The following IL1R1 variants were observed in gnomAD, a reference collection of about 807,000 sequenced individuals.
The protein encoded by IL1R1 is interleukin 1 receptor type 1.
IL1R1 carries 22 observed loss-of-function variants against 50.2 expected under a neutral mutation model. The observed-to-expected ratio is 0.44, with a 90% CI of 0.31 to 0.63. IL1R1 has a LOEUF of 0.63. Ranked by LOEUF, IL1R1 falls within the 20% of genes least tolerant of loss-of-function variation. IL1R1 has a pLI of 0.07. For synonymous variants in IL1R1, 251 were observed against 236.7 expected (o/e 1.06, Z -0.55); for missense variants, 509 against 676.2 (o/e 0.75, Z 2.74).
intron 1 of IL1R1, among the ~76,000 whole-genome samples, chr2:102,079,394 A>G (rs1159358890): frequency 6.6e-6 from 1 of 152,176 alleles, no homozygotes; most frequent in African/African-American, 2.4e-5. Context: ...AAACAAGCTC[A>G]GTAAGTTTGC....
At chr2:102,077,999 G>T (rs1420261442) in intron 1 of IL1R1, among the ~76,000 whole-genome samples, 2 of 151,970 alleles carry the variant, frequency 1.3e-5, no homozygotes, top group African/African-American at 4.8e-5. Context: ...AATTAAAAGA[G>T]AAATTAAAAA....
At chr2:102,145,856 C>T (rs560267899) in intron 1 of IL1R1, among the ~76,000 whole-genome samples, 2 of 152,250 alleles carry the variant, frequency 1.3e-5, no homozygotes, top group African/African-American at 2.4e-5. Context: ...ATTTTCAAAG[C>T]CCCCCAGGTA....
intron 1 of IL1R1, among the ~76,000 whole-genome samples, chr2:102,094,049 T>C (rs766246901): frequency 2.0e-5 from 3 of 152,116 alleles, no homozygotes; most frequent in Admixed American, 6.6e-5. Context: ...ACCACACATA[T>C]AAAACTTTAA....
chr2:102,156,922 C>T (rs1684248319), intron 2 of IL1R1, among the ~76,000 whole-genome samples: 1 of 152,174 alleles, frequency 6.6e-6, no homozygotes, highest in Admixed American at 6.5e-5. Flanking sequence ...TATTTATTTA[C>T]TTACTTATAG....
chr2:102,174,527 A>T, intron 9 of IL1R1, 60 bp from the exon 10 acceptor site: 8 of 1,340,796 alleles, frequency 6.0e-6, no homozygotes, highest in Non-Finnish European at 8.1e-6. Flanking sequence ...TGCTGTGCTC[A>T]AAGTTTTAAT....
At chr2:102,112,326 G>A (rs945292554) in intron 1 of IL1R1, among the ~76,000 whole-genome samples, 2 of 151,522 alleles carry the variant, frequency 1.3e-5, no homozygotes, top group Non-Finnish European at 2.9e-5. Context: ...GTGTGTGTGT[G>A]TGTGTGTGTG....
In IL1R1 at chr2:102,078,606, A is replaced by C. The variant is rs1679080656; in HGVS notation, c.-84+8073A>C. 5.3e-5 allele frequency among the ~76,000 whole-genome samples: 8 copies of C among 149,684 alleles called. No homozygotes were observed. The South Asian group carries it at 1.5e-3, about 28-fold the overall frequency. On this transcript the variant is annotated intron_variant, in intron 1 of 11. Coordinates refer to the IL1R1 transcript ENST00000409929. ...CACACACACACACACACACAAGAAA[A>C]AAAAAAGGAAAAAAGCCCATGCCCA...
At chr2:102,134,417 G>T (rs1682224494) in intron 1 of IL1R1, among the ~76,000 whole-genome samples, 1 of 148,586 alleles carries the variant, frequency 6.7e-6, no homozygotes, top group Non-Finnish European at 1.5e-5. Context: ...CGCTCTTGTT[G>T]ACCAGGCTGG....
At chr2:102,124,174 C>G (rs7572233) in intron 1 of IL1R1, among the ~76,000 whole-genome samples, 1 of 151,950 alleles carries the variant, frequency 6.6e-6, no homozygotes, top group Admixed American at 6.6e-5. Flanking sequence ...GTGGTCTCAG[C>G]ATTTTGGGAG....
chr2:102,132,138 T>A (rs1682071818), intron 1 of IL1R1, among the ~76,000 whole-genome samples: 1 of 151,734 alleles, frequency 6.6e-6, no homozygotes, highest in Non-Finnish European at 1.5e-5. Flanking sequence ...TTCAGATATA[T>A]AAAAGCTGAA....
At chr2:102,162,174 T>C (rs1684789012) in intron 3 of IL1R1, among the ~76,000 whole-genome samples, 1 of 152,226 alleles carries the variant, frequency 6.6e-6, no homozygotes, top group South Asian at 2.1e-4. Flanking sequence ...TATGTATACA[T>C]TGTGAAATGG....
Position 102,164,806 on chromosome 2 carries a change from T to A in IL1R1, c.94T>A (p.Leu32Ile). 1.2e-6 allele frequency: 2 copies of A among 1,613,852 alleles called. No individual in the cohort carries two copies. Among genetic ancestry groups the A allele is most frequent in the Non-Finnish European group, 1.7e-6 (2 of 1,179,872 alleles). ...CAAGGAACGTGAAGAAAAAATAATT[T>A]TAGTGTCATCTGCAAATGAAATTGA... ...KCKEREEKII[L>I]VSSANEIDVR... Residue 32 changes from leucine (L) to isoleucine (I), a missense_variant, in exon 4 of 12, where the codon TTA (leucine) becomes ATA (isoleucine). Coordinates refer to ENST00000410023, the MANE Select transcript of IL1R1 (RefSeq NM_000877.4).
chr2:102,144,068 G>A (rs1054324165), intron 1 of IL1R1, among the ~76,000 whole-genome samples: 3 of 152,202 alleles, frequency 2.0e-5, no homozygotes, highest in Non-Finnish European at 2.9e-5. Flanking sequence ...GCATGGGGAC[G>A]TTCACTGTCC....
intron 1 of IL1R1, among the ~76,000 whole-genome samples, chr2:102,116,527 TG>T (rs1413708686): frequency 6.6e-6 from 1 of 152,234 alleles, no homozygotes; most frequent in Non-Finnish European, 1.5e-5. Context: ...TGCTCTTCCA[TG>T]TATTCCGATA....
In IL1R1 at chr2:102,164,827, AT is replaced by A; in HGVS notation, c.117del (p.Ile39MetfsTer17). On this transcript the variant is annotated frameshift_variant, in exon 4 of 12. Coordinates refer to ENST00000410023, the MANE Select transcript of IL1R1 (RefSeq NM_000877.4). LOFTEE classifies it high-confidence loss of function. ...AATTTTAGTGTCATCTGCAAATGAA[AT>A]TGATGTTCGTCCCTGTCCTCTTAAC... is the stretch of plus-strand genomic sequence containing the variant. ...KIILVSSANE[I>X]DVRPCPLNPN... 6.2e-7 allele frequency: 1 copy of A among 1,614,082 alleles called. No individual in the cohort carries two copies. Among genetic ancestry groups the A allele is most frequent in the East Asian group, 2.2e-5 (1 of 44,868 alleles).
chr2:102,078,561 T>TTCACACAC (rs1342084030), intron 1 of IL1R1, among the ~76,000 whole-genome samples: 42 of 70,584 alleles, frequency 6.0e-4, no homozygotes, highest in African/African-American at 2.2e-3. Context: ...GTCAAAAAAC[T>TTCACACAC]TCACACACAC....
In IL1R1 at chr2:102,178,837, A is replaced by G. The variant is rs201837841; in HGVS notation, c.*2078A>G. 19 of 152,358 alleles carry G rather than the reference A, an allele frequency of 1.2e-4. No homozygotes were observed. Among genetic ancestry groups the G allele is most frequent in the South Asian group, 2.1e-4 (1 of 4,836 alleles). 9.4% of individuals were successfully genotyped at this position (152,358 alleles called of 1,614,324 possible). On this transcript the variant is annotated 3_prime_UTR_variant, in exon 12 of 12. Coordinates refer to ENST00000410023, the MANE Select transcript of IL1R1 (RefSeq NM_000877.4). The stretch of plus-strand genomic sequence containing the variant: ...TTATATGCCACCGATTGCAGGACAC[A>G]AGCACAGTTTTAAGAGTTGTATGAA...
In IL1R1 at chr2:102,114,131, A is replaced by T. The variant is rs940636349; in HGVS notation, c.-84+9259A>T. Among the ~76,000 whole-genome samples, 7 of 152,344 alleles carry T rather than the reference A, an allele frequency of 4.6e-5. No homozygotes were observed. In the South Asian group the frequency reaches 6.2e-4, roughly 14 times the overall value. On this transcript the variant is annotated intron_variant, in intron 1 of 10. Coordinates refer to the IL1R1 transcript ENST00000409329. Reference sequence around the variant, plus strand: ...CTCTCTTCTGCCACTTCTAAGAGTTATCCAAATTGGTGCATGGTACCCATA... The same window carrying T: ...CTCTCTTCTGCCACTTCTAAGAGTTTTCCAAATTGGTGCATGGTACCCATA...
intron 1 of IL1R1, among the ~76,000 whole-genome samples, chr2:102,077,792 T>C (rs1402645348): frequency 6.6e-6 from 1 of 152,220 alleles, no homozygotes; most frequent in East Asian, 1.9e-4. Context: ...GCATGTGGAC[T>C]ATTTTCCAGG....
Sources: gnomAD v4.1 joint callset for allele counts (sites outside exome capture counted in the v4.1 genomes callset) on GRCh38, gnomAD v4.1.1 for gene constraint, MANE v1.5 for transcripts, NCBI Gene and HGNC (gene_info 2026-07-23, HGNC 2026-07-21) for gene names.